Variants in LHFPL3 observed in about 807,000 individuals in gnomAD.
LHFPL3 encodes the protein LHFPL tetraspan subfamily member 3, also known as LHFPL tetraspan subfamily member 3 protein.
LHFPL3 carries 5 observed loss-of-function variants against 19.3 expected under a neutral mutation model. The ratio of observed to expected loss-of-function variants is 0.26; its 90% confidence interval spans 0.14 to 0.54. The LOEUF is 0.54. LHFPL3 is among the 20% of genes least tolerant of loss of function. The pLI, the probability that LHFPL3 is intolerant of heterozygous loss-of-function variation, is 0.94. For synonymous variants in LHFPL3, 133 were observed against 126.2 expected (o/e 1.05, Z -0.36); for missense variants, 249 against 307.4 (o/e 0.81, Z 1.42).
intron 2 of LHFPL3, among the ~76,000 whole-genome samples, chr7:104,753,906 A>G (rs1047890480): frequency 1.3e-5 from 2 of 152,238 alleles, no homozygotes; most frequent in African/African-American, 4.8e-5. Context: ...ATTTGCCTTC[A>G]CGTGCTGCCA....
chr7:104,590,622 A>G (rs144250021), intron 1 of LHFPL3, among the ~76,000 whole-genome samples: 28,520 of 152,052 alleles, frequency 0.19, 2,893 homozygotes, highest in East Asian at 0.38. Flanking sequence ...GTAATTGTCT[A>G]TTAGGTCCGC....
chr7:104,835,815 T>C (rs1380997151), intron 2 of LHFPL3, among the ~76,000 whole-genome samples: 1 of 151,912 alleles, frequency 6.6e-6, no homozygotes, highest in Non-Finnish European at 1.5e-5. Flanking sequence ...TGCAGGTTTG[T>C]TACATAGGTA....
intron 2 of LHFPL3, among the ~76,000 whole-genome samples, chr7:104,814,799 G>A (rs890347942): frequency 2.6e-5 from 4 of 152,230 alleles, no homozygotes; most frequent in Non-Finnish European, 5.9e-5. Flanking sequence ...GTGTGTGCAC[G>A]CTCGACTGGG....
intron 2 of LHFPL3, among the ~76,000 whole-genome samples, chr7:104,880,981 T>C (rs1027678750): frequency 4.6e-5 from 7 of 151,992 alleles, no homozygotes; most frequent in South Asian, 2.1e-4. Context: ...CCTTCCTGGC[T>C]AACACAATGA....
chr7:104,486,921 T>C (rs193201850), intron 1 of LHFPL3, among the ~76,000 whole-genome samples: 18 of 152,320 alleles, frequency 1.2e-4, no homozygotes, highest in African/African-American at 4.3e-4. Flanking sequence ...GCTATAAATA[T>C]TTGCTTGTGA....
At chr7:104,810,995 C>T (rs1466532913) in intron 2 of LHFPL3, among the ~76,000 whole-genome samples, 3 of 152,204 alleles carry the variant, frequency 2.0e-5, no homozygotes, top group Non-Finnish European at 4.4e-5. Context: ...TATAGCTTCT[C>T]TCTTATCAGG....
At chr7:104,491,579 T>C (rs759873134) in intron 1 of LHFPL3, among the ~76,000 whole-genome samples, 27 of 152,078 alleles carry the variant, frequency 1.8e-4, no homozygotes, top group Non-Finnish European at 2.9e-4. Flanking sequence ...ACCAGATACC[T>C]GCAGGGGAGT....
chr7:104,627,618 A>G (rs943207469), intron 1 of LHFPL3, among the ~76,000 whole-genome samples: 4 of 152,162 alleles, frequency 2.6e-5, no homozygotes, highest in African/African-American at 4.8e-5. Context: ...TTTCCTACTC[A>G]GCTGTTCTTA....
chr7:104,812,520 C>T (rs1022469227), intron 2 of LHFPL3, among the ~76,000 whole-genome samples: 6 of 151,954 alleles, frequency 3.9e-5, no homozygotes, highest in Admixed American at 1.3e-4. Context: ...TTTAATTAGA[C>T]GTAGCCAGGT....
intron 2 of LHFPL3, chr7:104,785,298 C>T (rs1789890790): frequency 1.3e-5 from 2 of 152,382 alleles, no homozygotes; most frequent in Non-Finnish European, 2.9e-5. Flanking sequence ...AGCCACTTCT[C>T]CAGCTTTGCC....
chr7:104,845,775 A>G (rs1194320852), intron 2 of LHFPL3, among the ~76,000 whole-genome samples: 2 of 152,210 alleles, frequency 1.3e-5, no homozygotes, highest in Non-Finnish European at 2.9e-5. Context: ...TCACTGCAAC[A>G]TACTACTACA....
At chr7:104,426,363 T>G (rs1047076589) in intron 1 of LHFPL3, among the ~76,000 whole-genome samples, 7 of 152,262 alleles carry the variant, frequency 4.6e-5, no homozygotes, top group African/African-American at 1.7e-4. Context: ...TTCAAGCGAT[T>G]CTCCTGCCTC....
At chr7:104,671,583 A>AAAG (rs1554422928) in intron 1 of LHFPL3, among the ~76,000 whole-genome samples, 24 of 150,408 alleles carry the variant, frequency 1.6e-4, no homozygotes, top group African/African-American at 2.2e-4. Context: ...AAAAAAAAAA[A>AAAG]AAAGAAAGAA....
In LHFPL3 at chr7:104,614,664, C is replaced by T. The variant is rs1276883562; in HGVS notation, c.446-122011C>T. The stretch of plus-strand genomic sequence containing the variant: ...TTCTCTTCTCTTCTCTCCTTCCTTC[C>T]TTCCTTCCTTCCTTCCTTCTTTCTT... On this transcript the variant is annotated intron_variant, in intron 1 of 2. Coordinates refer to ENST00000424859, the MANE Select transcript of LHFPL3 (RefSeq NM_199000.3). 2.3e-3 allele frequency among the ~76,000 whole-genome samples: 181 copies of T among 80,290 alleles called. 1 individual carries two copies. The highest frequency in any genetic ancestry group is 4.3e-3 in the Admixed American group (29 of 6,736). 52.7% of individuals were successfully genotyped at this position (80,290 alleles called of 152,430 possible). A position where few individuals can be genotyped will look rare whatever the true frequency, so the allele number is the denominator to read the frequency against.
At chr7:104,875,637 G>A (rs919700098) in intron 2 of LHFPL3, among the ~76,000 whole-genome samples, 4 of 152,188 alleles carry the variant, frequency 2.6e-5, no homozygotes, top group Admixed American at 6.5e-5. Flanking sequence ...GCAGATAGAG[G>A]AGATTTGTCA....
chr7:104,549,561 C>A (rs1039911003), intron 1 of LHFPL3, among the ~76,000 whole-genome samples: 1 of 151,486 alleles, frequency 6.6e-6, no homozygotes, highest in Non-Finnish European at 1.5e-5. Context: ...TGGTAGGGAC[C>A]CACAAGGGAC....
intron 1 of LHFPL3, among the ~76,000 whole-genome samples, chr7:104,714,871 C>T (rs1288954750): frequency 2.6e-5 from 4 of 151,752 alleles, no homozygotes; most frequent in South Asian, 4.2e-4. Flanking sequence ...CAGAGGGATG[C>T]GTTTGTGTGT....
intron 1 of LHFPL3, among the ~76,000 whole-genome samples, chr7:104,722,843 G>A (rs1793513810): frequency 6.6e-6 from 1 of 152,080 alleles, no homozygotes; most frequent in South Asian, 2.1e-4. Context: ...GAGTGCTTCA[G>A]CAACATGAGG....
intron 1 of LHFPL3, among the ~76,000 whole-genome samples, chr7:104,377,361 T>G (rs1790735894): frequency 6.6e-6 from 1 of 152,178 alleles, no homozygotes; most frequent in African/African-American, 2.4e-5. Context: ...TATTTGTTAC[T>G]CAAGAGAGAT....
Sources: gnomAD v4.1 joint callset for allele counts (sites outside exome capture counted in the v4.1 genomes callset) on GRCh38, gnomAD v4.1.1 for gene constraint, MANE v1.5 for transcripts, NCBI Gene and HGNC (gene_info 2026-07-23, HGNC 2026-07-21) for gene names.